LINGO2: variants seen among roughly 807,000 people sequenced by gnomAD.
The protein encoded by LINGO2 is leucine-rich repeat and immunoglobulin-like domain-containing nogo receptor-interacting protein 2.
A neutral mutation model predicts 30.6 loss-of-function variants in LINGO2; 14 were observed. The ratio of observed to expected loss-of-function variants is 0.46; its 90% confidence interval spans 0.30 to 0.72. The LOEUF is 0.72. LINGO2 is among the 30% of genes least tolerant of loss of function. LINGO2 has a pLI of 0.07. For synonymous variants in LINGO2, 317 were observed against 288.5 expected (o/e 1.10, Z -1.00); for missense variants, 729 against 751.7 (o/e 0.97, Z 0.35).
chr9:28,909,890 A>G, the LINGO2 span, among the ~76,000 whole-genome samples: 5 of 152,096 alleles, frequency 3.3e-5, no homozygotes, highest in Non-Finnish European at 7.4e-5. Flanking sequence ...TTGCTGAGTG[A>G]CAAATTATTC....
At chr9:28,717,342 T>TAAAAA in the LINGO2 span, among the ~76,000 whole-genome samples, 1 of 112,326 alleles carries the variant, frequency 8.9e-6, no homozygotes, top group African/African-American at 3.2e-5. Context: ...GACCCTAATC[T>TAAAAA]AAAAAAAAAA....
the LINGO2 span, among the ~76,000 whole-genome samples, chr9:28,730,095 A>T: frequency 6.6e-6 from 1 of 152,070 alleles, no homozygotes; most frequent in African/African-American, 2.4e-5. Flanking sequence ...AAAAAAAGAG[A>T]TTTTCAGACA....
chr9:28,281,997 C>A (rs1363341569), intron 4 of LINGO2, among the ~76,000 whole-genome samples: 2 of 151,996 alleles, frequency 1.3e-5, no homozygotes, highest in Non-Finnish European at 2.9e-5. Flanking sequence ...ATTGGGGGAA[C>A]TTCAATGTCC....
chr9:28,031,972 T>C (rs1823698037), intron 4 of LINGO2, among the ~76,000 whole-genome samples: 2 of 148,164 alleles, frequency 1.3e-5, no homozygotes, highest in South Asian at 4.2e-4. Context: ...AAAAGTTGTT[T>C]GGAGATTAGG....
the LINGO2 span, among the ~76,000 whole-genome samples, chr9:28,909,667 A>C: frequency 2.0e-5 from 3 of 152,016 alleles, no homozygotes; most frequent in Non-Finnish European, 2.9e-5. Context: ...TCATACAGTT[A>C]ATTTACATTC....
chr9:28,928,661 T>C, the LINGO2 span, among the ~76,000 whole-genome samples: 5 of 152,160 alleles, frequency 3.3e-5, no homozygotes, highest in African/African-American at 4.8e-5. Flanking sequence ...ACACAGTGGA[T>C]AGGATAAAAG....
chr9:29,196,732 T>G, the LINGO2 span, among the ~76,000 whole-genome samples: 1 of 152,044 alleles, frequency 6.6e-6, no homozygotes, highest in Non-Finnish European at 1.5e-5. Context: ...AACATATAAA[T>G]GTAATTGATG....
the LINGO2 span, among the ~76,000 whole-genome samples, chr9:28,847,832 T>C: frequency 3.6e-5 from 3 of 82,280 alleles, no homozygotes; most frequent in Non-Finnish European, 5.0e-5. Context: ...TATATATGTA[T>C]AGTATATATA....
exon 6 of LINGO2, chr9:27,949,214 G>A: frequency 1.9e-6 from 3 of 1,614,042 alleles, no homozygotes; most frequent in Non-Finnish European, 2.5e-6. Flanking sequence ...CAGCAGCATT[G>A]CTAGCGATGC....
chr9:28,645,880 G>A (rs72715223), intron 1 of LINGO2, among the ~76,000 whole-genome samples: 19 of 152,226 alleles, frequency 1.2e-4, no homozygotes, highest in Admixed American at 2.6e-4. Context: ...TGCGCAGATT[G>A]ATTAGAGTAC....
chr9:28,942,836 A>T, the LINGO2 span, among the ~76,000 whole-genome samples: 1 of 152,286 alleles, frequency 6.6e-6, no homozygotes, highest in Admixed American at 6.5e-5. Flanking sequence ...CTTCCCTAAA[A>T]TAATAGGTGA....
chr9:28,222,940 A>G (rs1485640260), intron 4 of LINGO2, among the ~76,000 whole-genome samples: 1 of 152,204 alleles, frequency 6.6e-6, no homozygotes, highest in Non-Finnish European at 1.5e-5. Flanking sequence ...AGTTAGTCAG[A>G]GGAATGAAAT....
At chr9:28,937,344 C>T in the LINGO2 span, among the ~76,000 whole-genome samples, 11 of 152,030 alleles carry the variant, frequency 7.2e-5, no homozygotes, top group Admixed American at 1.3e-4. Flanking sequence ...TATGAACCTG[C>T]GAAACCTAAC....
At chr9:29,208,068 A>G in the LINGO2 span, among the ~76,000 whole-genome samples, 121 of 152,172 alleles carry the variant, frequency 8.0e-4, no homozygotes, top group African/African-American at 2.7e-3. Flanking sequence ...GTAAAAAACT[A>G]AGATAATATA....
the LINGO2 span, among the ~76,000 whole-genome samples, chr9:29,101,096 T>C: frequency 9.2e-5 from 14 of 152,318 alleles, no homozygotes; most frequent in South Asian, 2.5e-3. Context: ...CTTGTAACAC[T>C]CTCTTTATGC....
chr9:28,718,486 T>G, the LINGO2 span, among the ~76,000 whole-genome samples: 13 of 152,078 alleles, frequency 8.5e-5, no homozygotes, highest in Non-Finnish European at 1.8e-4. Flanking sequence ...GGGCCTATCA[T>G]GGCCTGATTA....
At chr9:28,721,039 A>T in the LINGO2 span, among the ~76,000 whole-genome samples, 1 of 152,082 alleles carries the variant, frequency 6.6e-6, no homozygotes, top group African/African-American at 2.4e-5. Context: ...AAAAGAAGAC[A>T]TTTATGTGGC....
At chr9:28,213,205 T>C (rs1027020364) in intron 4 of LINGO2, among the ~76,000 whole-genome samples, 3 of 151,494 alleles carry the variant, frequency 2.0e-5, no homozygotes, top group Non-Finnish European at 3.0e-5. Context: ...ACATTAGTCA[T>C]CCTCATTAAA....
At chr9:28,027,900 T>A (rs998632584) in intron 4 of LINGO2, among the ~76,000 whole-genome samples, 3 of 152,138 alleles carry the variant, frequency 2.0e-5, no homozygotes, top group Non-Finnish European at 4.4e-5. Flanking sequence ...CGAAATCTCA[T>A]GTGTCCAGGA....
Sources: gnomAD v4.1 joint callset for allele counts (sites outside exome capture counted in the v4.1 genomes callset) on GRCh38, gnomAD v4.1.1 for gene constraint, MANE v1.5 for transcripts, NCBI Gene and HGNC (gene_info 2026-07-23, HGNC 2026-07-21) for gene names.